ARNT: variants seen among roughly 807,000 people sequenced by gnomAD.
ARNT encodes class E basic helix-loop-helix protein 2.
Under a neutral mutation model 105.0 loss-of-function variants are expected in ARNT, and 30 were observed. That is an observed-to-expected ratio of 0.29 (90% CI 0.21 to 0.39). The LOEUF is 0.39. Among genes scored for constraint, ARNT ranks in the 10% least tolerant of loss-of-function variants. ARNT has a pLI of 1.00. For missense variants in ARNT, 748 were observed against 978.7 expected, an observed-to-expected ratio of 0.76 and a Z score of 3.15; for synonymous variants, 304 against 344.0, an observed-to-expected ratio of 0.88 and a Z score of 1.29.
intron 9 of ARNT, 24 bp from the exon 10 acceptor site, chr1:150,831,927 A>AAC: frequency 9.6e-7 from 1 of 1,037,992 alleles, no homozygotes; most frequent in Non-Finnish European, 1.3e-6. Context: ...AGGAGTTTGA[A>AAC]AAAAAAAAAA....
Position 150,836,377 on chromosome 1 carries a change from C to A in ARNT, c.603G>T (p.Gln201His). ...AGAGTGTGCTGCCAAACCATTCAGA[C>A]TGTGGCTGGTTCAAAACAGGAGTCA... is the stretch of plus-strand genomic sequence containing the variant. ...DSVTPVLNQP[Q>H]SEWFGSTLYD... The change falls in exon 7 of 22, where the codon CAG (glutamine) becomes CAT (histidine). Residue 201 changes from glutamine to histidine, a missense_variant. Physicochemically the swap from Gln to His is conservative, Grantham distance 24. This residue lies in a region of ARNT where 291 missense variants were observed against 444.6 expected (regional missense o/e 0.65). Coordinates refer to ENST00000358595, the MANE Select transcript of ARNT (RefSeq NM_001668.4). The A allele has an allele frequency of 6.2e-7, 1 of 1,614,154 alleles. No individual in the cohort carries two copies. Among genetic ancestry groups the A allele is most frequent in the Non-Finnish European group, 8.5e-7 (1 of 1,180,014 alleles).
intron 12 of ARNT, among the ~76,000 whole-genome samples, chr1:150,828,875 T>TA (rs1414107921): frequency 6.6e-6 from 1 of 152,254 alleles, no homozygotes; most frequent in Non-Finnish European, 1.5e-5. Flanking sequence ...TACATATTTG[T>TA]ACCTGCTGCT....
intron 14 of ARNT, among the ~76,000 whole-genome samples, chr1:150,821,061 T>C (rs1656960938): frequency 6.6e-6 from 1 of 152,178 alleles, no homozygotes; most frequent in Admixed American, 6.5e-5. Context: ...ACAATAAAGC[T>C]AAAGAGAAAA....
At chr1:150,850,420 T>A (rs953354443) in intron 3 of ARNT, among the ~76,000 whole-genome samples, 1 of 152,236 alleles carries the variant, frequency 6.6e-6, no homozygotes, top group Non-Finnish European at 1.5e-5. Flanking sequence ...TGCCTGCGAT[T>A]GCAGTCGCGC....
intron 8 of ARNT, among the ~76,000 whole-genome samples, chr1:150,833,760 A>G (rs914877149): frequency 1.3e-5 from 2 of 151,932 alleles, no homozygotes; most frequent in African/African-American, 4.8e-5. Flanking sequence ...TGAAAGACAT[A>G]GGAAGTCTCA....
At chr1:150,830,079 C>T in intron 10 of ARNT, 99 bp from the exon 11 acceptor site, 1 of 1,365,978 alleles carries the variant, frequency 7.3e-7, no homozygotes, top group Non-Finnish European at 1.0e-6. Flanking sequence ...TATTTATGGG[C>T]CAGGCACCGT....
chr1:150,818,024 A>G lies in ARNT; in HGVS notation c.1401T>C (p.Ser467=). ...IICTNTNVKN[S]SQEPRPTLSN... is the part of the protein sequence containing the mutation. ...AGAGTGTAGGCCGTGGTTCTTGGCT[A>G]GAGTTCCTAGGAAACCAGAGTAGAC... Residue 467 remains serine, a synonymous_variant, in exon 15 of 22, where the codon TCT becomes TCC. Transcript: ENST00000358595. The G allele has an allele frequency of 2.5e-6, 4 of 1,610,202 alleles. No homozygotes were observed. The highest frequency in any genetic ancestry group is 1.1e-5 in the South Asian group (1 of 90,502).
chr1:150,839,658 C>A lies in ARNT; in HGVS notation c.273-4G>T, dbSNP rs2101952915. 6.2e-7 allele frequency: 1 copy of A among 1,611,866 alleles called. No individual in the cohort carries two copies. The highest frequency in any genetic ancestry group is 2.2e-5 in the East Asian group (1 of 44,854). On this transcript the variant is annotated splice_polypyrimidine_tract_variant and splice_region_variant and intron_variant, in intron 5 of 21. Coordinates refer to ENST00000358595, the MANE Select transcript of ARNT (RefSeq NM_001668.4). ...TTCAATTTCACTGTGATTTTCCCTG[C>A]ATGGAAAGAAAGAGAAGCCCCATCC...
chr1:150,825,935 A>G (rs1338205188), intron 13 of ARNT, among the ~76,000 whole-genome samples: 2 of 150,276 alleles, frequency 1.3e-5, no homozygotes, highest in Non-Finnish European at 1.5e-5. Context: ...TTTTTTTGAG[A>G]CAGAGTCTAG....
In ARNT at chr1:150,839,333, C is replaced by T. The variant is rs193199531; in HGVS notation, c.486+108G>A. ...TAGCCAAGGATTGAAATTCGTTTTCCCATTGTCTGACTTCTTCCTGAAAAG... is the reference window on the plus strand; with the variant it reads ...TAGCCAAGGATTGAAATTCGTTTTCTCATTGTCTGACTTCTTCCTGAAAAG... On this transcript the variant is annotated intron_variant, in intron 6 of 21. Coordinates refer to ENST00000358595, the MANE Select transcript of ARNT (RefSeq NM_001668.4). The T allele has an allele frequency of 1.2e-4, 135 of 1,098,934 alleles. 3 individuals carry two copies. In the Admixed American group the frequency reaches 2.8e-3, roughly 23 times the overall value. The allele number at this position is 1,098,934 out of a possible 1,614,324, so 68.1% of individuals were successfully genotyped here. A position where few individuals can be genotyped will look rare whatever the true frequency, so the allele number is the denominator to read the frequency against.
chr1:150,865,875 G>A (rs1571506678), intron 1 of ARNT, among the ~76,000 whole-genome samples: 1 of 152,038 alleles, frequency 6.6e-6, no homozygotes, highest in East Asian at 1.9e-4. Flanking sequence ...AAATGCCTTG[G>A]ATGTATGAAA....
chr1:150,811,996 A>T lies in ARNT; in HGVS notation c.*25T>A. The stretch of plus-strand genomic sequence containing the variant: ...AACAAACAGTGATTTTTTCTCCCCC[A>T]CCCCTTATCCTCACCCCAATAGTTC... On this transcript the variant is annotated 3_prime_UTR_variant, in exon 22 of 22. Coordinates refer to ENST00000358595, the MANE Select transcript of ARNT (RefSeq NM_001668.4). 7.0e-7 allele frequency: 1 copy of T among 1,432,248 alleles called. No individual in the cohort carries two copies. Among genetic ancestry groups the T allele is most frequent in the Non-Finnish European group, 9.3e-7 (1 of 1,077,018 alleles). 88.7% of individuals were successfully genotyped at this position (1,432,248 alleles called of 1,614,324 possible).
At chr1:150,860,259 AG>A (rs1665391477) in intron 1 of ARNT, among the ~76,000 whole-genome samples, 1 of 130,090 alleles carries the variant, frequency 7.7e-6, no homozygotes. Context: ...TCTGTCGCCC[AG>A]GCTGGAGTGC....
rs377056322 is a variant in ARNT at position 150,839,542 on chromosome 1, G to A, written c.385C>T (p.Leu129=). The A allele has an allele frequency of 2.5e-6, 4 of 1,614,088 alleles. No homozygotes were observed. The African/African-American group carries it at 4.0e-5, about 16-fold the overall frequency. Residue 129 remains leucine (L), a synonymous_variant, in exon 6 of 22, where the codon CTA becomes TTA. Coordinates refer to ENST00000358595, the MANE Select transcript of ARNT (RefSeq NM_001668.4). ...GAAACTGCCATGCGTAAGATGGTTA[G>A]CTTGTCTGGTTTTCGAGCCAGGGCA... The part of the protein sequence containing the change: ...CSALARKPDK[L]TILRMAVSHM...
At chr1:150,832,464 A>G in intron 8 of ARNT, 65 bp from the exon 9 acceptor site, 2 of 1,448,822 alleles carry the variant, frequency 1.4e-6, no homozygotes, top group Non-Finnish European at 1.9e-6. Flanking sequence ...TTCCACAGTA[A>G]TAGCAGAATA....
chr1:150,871,511 G>A (rs1387261238), intron 1 of ARNT, among the ~76,000 whole-genome samples: 2 of 149,348 alleles, frequency 1.3e-5, no homozygotes, highest in African/African-American at 4.9e-5. Flanking sequence ...ATGTTGGCCA[G>A]GCTGGTCTTG....
chr1:150,847,406 A>T (rs1170808392), intron 3 of ARNT, among the ~76,000 whole-genome samples: 2 of 143,232 alleles, frequency 1.4e-5, no homozygotes, highest in African/African-American at 5.2e-5. Flanking sequence ...ATTTGTGGCA[A>T]CAGAGCGAGA....
rs1477811662 is a variant in ARNT, at chr1:150,831,814, T to C, written c.955+4A>G. 1 of 1,604,908 alleles carries C rather than the reference T, an allele frequency of 6.2e-7. No individual in the cohort carries two copies. The highest frequency in any genetic ancestry group is 8.5e-7 in the Non-Finnish European group (1 of 1,175,876). On this transcript the variant is annotated splice_donor_region_variant and intron_variant, in intron 10 of 21. Transcript: ENST00000358595. ...GGGAAATATTTACTATTTCACTTTC[T>C]TACCTGCTGGGGGCCAGGCCTTGAT...
At chr1:150,822,343 A>G (rs1396232199) in intron 14 of ARNT, among the ~76,000 whole-genome samples, 2 of 152,100 alleles carry the variant, frequency 1.3e-5, no homozygotes, top group Non-Finnish European at 2.9e-5. Context: ...TCATCTCTGG[A>G]AAGATCAAGG....
Sources: allele counts gnomAD v4.1 joint callset (sites outside exome capture counted in the v4.1 genomes callset), GRCh38; gene constraint gnomAD v4.1.1; regional missense constraint gnomAD v4.1.1; transcripts MANE v1.5; gene names NCBI Gene and HGNC (gene_info 2026-07-23, HGNC 2026-07-21).